Variants in MCHR2 observed in about 807,000 individuals in gnomAD.
The protein encoded by MCHR2 is melanin concentrating hormone receptor 2.
Under a neutral mutation model 24.8 loss-of-function variants are expected in MCHR2, and 15 were observed. The ratio of observed to expected loss-of-function variants is 0.60; its 90% confidence interval spans 0.40 to 0.93. The LOEUF (loss-of-function observed/expected upper bound fraction) is 0.93. Ranked by LOEUF, MCHR2 falls within the 40% of genes least tolerant of loss-of-function variation. The probability of loss-of-function intolerance (pLI) is 0.00; values close to 1 mark genes in which losing one functional copy is unlikely to be tolerated. For synonymous variants in MCHR2, 151 were observed against 147.6 expected (o/e 1.02, Z -0.17); for missense variants, 386 against 408.7 (o/e 0.94, Z 0.48).
At chr6:99,955,906 C>A (rs1055424729) in intron 2 of MCHR2, 60 bp downstream of exon 2, 20 of 1,350,436 alleles carry the variant, frequency 1.5e-5, no homozygotes, top group Admixed American at 2.7e-5. Flanking sequence ...ATTTAGGGAG[C>A]TTTGACTGTA....
At chr6:99,961,095 A>G (rs1775174763) in intron 1 of MCHR2, among the ~76,000 whole-genome samples, 1 of 152,212 alleles carries the variant, frequency 6.6e-6, no homozygotes, top group Admixed American at 6.5e-5. Flanking sequence ...CCAAAAGGCT[A>G]ATATCCAGAA....
intron 4 of MCHR2, among the ~76,000 whole-genome samples, chr6:99,942,596 A>G (rs1322840448): frequency 6.6e-6 from 1 of 152,144 alleles, no homozygotes; most frequent in African/African-American, 2.4e-5. Flanking sequence ...ATTCAAGCAA[A>G]CTGCAATTGC....
At chr6:99,950,479 G>C (rs1774945752) in intron 2 of MCHR2, among the ~76,000 whole-genome samples, 1 of 151,832 alleles carries the variant, frequency 6.6e-6, no homozygotes, top group Non-Finnish European at 1.5e-5. Context: ...TGGTTAACGT[G>C]GTCATATCTA....
intron 1 of MCHR2, among the ~76,000 whole-genome samples, chr6:99,966,093 C>T (rs1775291939): frequency 6.6e-6 from 1 of 152,240 alleles, no homozygotes; most frequent in African/African-American, 2.4e-5. Context: ...ATACAACTTG[C>T]TTTATTTATT....
chr6:99,984,619 A>G (rs1443855250), intron 1 of MCHR2, among the ~76,000 whole-genome samples: 1 of 152,118 alleles, frequency 6.6e-6, no homozygotes, highest in African/African-American at 2.4e-5. Context: ...ATTCCGTAAA[A>G]TCTAGCATCC....
At position 99,919,754 on chromosome 6, in the gene MCHR2, G is replaced by A. The variant is rs537552341; in HGVS notation, c.*1186C>T. ...GTTTTGTTTTTTTTTTTGAGATGAC[G>A]TCTCACTCTATTGCCCAAGCTGGAG... On this transcript the variant is annotated 3_prime_UTR_variant, in exon 6 of 6. Transcript: ENST00000281806. Among the ~76,000 whole-genome samples, 7 of 143,280 alleles carry A rather than the reference G, an allele frequency of 4.9e-5. No individual in the cohort carries two copies. Among genetic ancestry groups the A allele is most frequent in the South Asian group, 2.2e-4 (1 of 4,546 alleles). The allele number at this position is 143,280 out of a possible 152,430, so 94.0% of individuals were successfully genotyped here. A position where few individuals can be genotyped will look rare whatever the true frequency, so the allele number is the denominator to read the frequency against.
At position 99,934,654 on chromosome 6, in the gene MCHR2, A is replaced by G. The variant is rs1774620443; in HGVS notation, c.588-137T>C. ...TCCAGGATGAAAGTCCTTGTGGAAAAGCTCAAGATCTTTGGTTGCTTTATT... is the reference window on the plus strand; with the variant it reads ...TCCAGGATGAAAGTCCTTGTGGAAAGGCTCAAGATCTTTGGTTGCTTTATT... On this transcript the variant is annotated intron_variant, in intron 4 of 5. Coordinates refer to ENST00000281806, the MANE Select transcript of MCHR2 (RefSeq NM_001040179.2). 8.2e-6 allele frequency: 6 copies of G among 734,444 alleles called. No homozygotes were observed. The Admixed American group carries it at 2.4e-4, about 29-fold the overall frequency. 45.5% of individuals were successfully genotyped at this position (734,444 alleles called of 1,614,324 possible).
At chr6:99,950,908 C>T (rs189766977) in intron 2 of MCHR2, among the ~76,000 whole-genome samples, 116 of 152,220 alleles carry the variant, frequency 7.6e-4, no homozygotes, top group Middle Eastern at 3.4e-3. Context: ...GCTTGTCATT[C>T]GCCAGCCTGT....
chr6:99,933,170 A>C (rs1774581727), intron 5 of MCHR2, among the ~76,000 whole-genome samples: 1 of 152,166 alleles, frequency 6.6e-6, no homozygotes. Context: ...ATAATTTTAA[A>C]AGCATGGAAG....
intron 4 of MCHR2, among the ~76,000 whole-genome samples, chr6:99,939,835 G>A (rs1056636240): frequency 6.8e-6 from 1 of 146,630 alleles, no homozygotes; most frequent in Non-Finnish European, 1.5e-5. Context: ...CACAGTTGAA[G>A]GATAATGTGC....
At chr6:99,936,364 T>C (rs911840805) in intron 4 of MCHR2, among the ~76,000 whole-genome samples, 1 of 151,924 alleles carries the variant, frequency 6.6e-6, no homozygotes, top group Non-Finnish European at 1.5e-5. Context: ...TTCATTTCGG[T>C]TTGATTTTTG....
At chr6:99,926,623 A>G (rs1774364957) in intron 5 of MCHR2, among the ~76,000 whole-genome samples, 1 of 152,170 alleles carries the variant, frequency 6.6e-6, no homozygotes, top group African/African-American at 2.4e-5. Context: ...TTTTGGCTGC[A>G]TAAATGTCTT....
At position 99,992,296 on chromosome 6, in the gene MCHR2, G is replaced by A. The variant is rs142690144; in HGVS notation, c.-28+1640C>T. 4.4e-3 allele frequency among the ~76,000 whole-genome samples: 676 copies of A among 152,272 alleles called. 4 individuals carry two copies. Among genetic ancestry groups the A allele is most frequent in the Non-Finnish European group, 5.7e-3 (391 of 68,002 alleles). On this transcript the variant is annotated intron_variant, in intron 1 of 5. Transcript: ENST00000281806. ...CCTGTGAAGGGGGAGGCTCCCTCCC[G>A]CACACCTGACTCTAGGACTAAAGTG...
intron 1 of MCHR2, among the ~76,000 whole-genome samples, chr6:99,962,927 A>T (rs547137448): frequency 6.6e-6 from 1 of 152,264 alleles, no homozygotes; most frequent in South Asian, 2.1e-4. Context: ...CGATTTAAAA[A>T]ATGGGCAAGT....
intron 1 of MCHR2, among the ~76,000 whole-genome samples, chr6:99,957,096 C>A (rs1775079200): frequency 6.6e-6 from 1 of 151,970 alleles, no homozygotes; most frequent in South Asian, 2.1e-4. Flanking sequence ...ACTGAAGCAC[C>A]AATGCTATCT....
intron 1 of MCHR2, among the ~76,000 whole-genome samples, chr6:99,966,545 C>G (rs1159311703): frequency 2.6e-5 from 4 of 152,144 alleles, no homozygotes; most frequent in Non-Finnish European, 5.9e-5. Context: ...TGCCTTCCCT[C>G]CAGGTGTATG....
rs189756918 is a variant in MCHR2 at position 99,927,838 on chromosome 6, T to A, written c.707+6560A>T. Among the ~76,000 whole-genome samples, 333 of 152,316 alleles carry A rather than the reference T, an allele frequency of 2.2e-3. 6 individuals carry two copies. The highest frequency in any genetic ancestry group is 0.019 in the Admixed American group (288 of 15,282). On this transcript the variant is annotated intron_variant, in intron 5 of 5. Transcript: ENST00000281806. Reference sequence around the variant, plus strand: ...TTGAATACACTTTATTTCCTTCTCCTGCATAATTGCCCTGGCCAGAACTTC... The same window carrying A: ...TTGAATACACTTTATTTCCTTCTCCAGCATAATTGCCCTGGCCAGAACTTC...
rs770286661 is a variant in MCHR2 at position 99,921,042 on chromosome 6, G to T, written c.921C>A (p.Ile307=). 3.1e-6 allele frequency: 5 copies of T among 1,614,134 alleles called. No individual in the cohort carries two copies. The highest frequency in any genetic ancestry group is 4.2e-6 in the Non-Finnish European group (5 of 1,180,024). Residue 307 remains isoleucine, a synonymous_variant, in exon 6 of 6, where the codon ATC becomes ATA. Coordinates refer to ENST00000281806, the MANE Select transcript of MCHR2 (RefSeq NM_001040179.2). ...GTTTCTGGAAATTTCCACTCAGCAG[G>T]ATGTAGAGAAAAGGGTTAATGCTGC... ...ASSSINPFLY[I]LLSGNFQKRL...
chr6:99,927,311 C>T lies in MCHR2; in HGVS notation c.708-6056G>A, dbSNP rs903348654. 3.0e-4 allele frequency among the ~76,000 whole-genome samples: 45 copies of T among 152,204 alleles called. 1 individual carries two copies. Among genetic ancestry groups the T allele is most frequent in the East Asian group, 1.9e-3 (10 of 5,178 alleles). On this transcript the variant is annotated intron_variant, in intron 5 of 5. Coordinates refer to ENST00000281806, the MANE Select transcript of MCHR2 (RefSeq NM_001040179.2). Reference sequence around the variant, plus strand: ...TTCTTTTGGCTTAGGATTCACTTGGCGATGTGGGCTCTTTTTTGGTTCCAT... The same window carrying T: ...TTCTTTTGGCTTAGGATTCACTTGGTGATGTGGGCTCTTTTTTGGTTCCAT...
Sources: gnomAD v4.1 joint callset for allele counts (sites outside exome capture counted in the v4.1 genomes callset) on GRCh38, gnomAD v4.1.1 for gene constraint, MANE v1.5 for transcripts, NCBI Gene and HGNC (gene_info 2026-07-23, HGNC 2026-07-21) for gene names.